The following SGO1 variants were observed in gnomAD, a reference collection of about 807,000 sequenced individuals.
SGO1 encodes the protein shugoshin 1.
A neutral mutation model predicts 50.5 loss-of-function variants in SGO1; 39 were observed. The ratio of observed to expected loss-of-function variants is 0.77; its 90% CI spans 0.60 to 1.01. SGO1 has a LOEUF of 1.01. SGO1 is among the 50% of genes least tolerant of loss of function. The pLI is 0.00. For synonymous variants in SGO1, 191 were observed against 205.1 expected (o/e 0.93, Z 0.59); for missense variants, 638 against 606.0 (o/e 1.05, Z -0.55).
Position 20,170,745 on chromosome 3 carries a change from C to G in SGO1, c.1543G>C (p.Asp515His). 1 of 1,592,368 alleles carries G rather than the reference C, an allele frequency of 6.3e-7. No homozygotes were observed. Among genetic ancestry groups the G allele is most frequent in the Non-Finnish European group, 8.5e-7 (1 of 1,175,046 alleles). The change falls in exon 8 of 8, where the codon GAT (aspartate) becomes CAT (histidine). Residue 515 changes from aspartate to histidine, a missense_variant. Asp to His is a moderately conservative substitution (Grantham distance 81). Coordinates refer to ENST00000412997, the MANE Select transcript of SGO1 (RefSeq NM_001199251.3). ...LNSPIFKQKK[D>H]LRRSKKSMKQ... ...ATACTTTTTTTAGAACGTCTCAAAT[C>G]CTTTTTCTGCTTGAAAATAGGAGAA... is the stretch of plus-strand genomic sequence containing the variant.
chr3:20,165,998 A>G (rs943520745), downstream of SGO1, among the ~76,000 whole-genome samples: 2 of 152,196 alleles, frequency 1.3e-5, no homozygotes, highest in African/African-American at 4.8e-5. Flanking sequence ...GGTTGCAGTG[A>G]GCCAAGATTG....
At position 20,174,543 on chromosome 3, in the gene SGO1, T is replaced by C. The variant is rs1701145345; in HGVS notation, c.988A>G (p.Ser330Gly). The part of the protein sequence containing the change: ...VPQKKMHKSV[S>G]SNDAYNFNLE... ...TTAAAATTGTAAGCATCATTGGAAC[T>C]GACAGATTTGTGCATTTTTTTTTGG... Residue 330 changes from serine (S) to glycine (G), a missense_variant, in exon 6 of 8, where the codon AGT (serine) becomes GGT (glycine). By Grantham distance (56) the Ser-to-Gly change is moderately conservative (BLOSUM62 0). Transcript: ENST00000412997. 2 of 1,611,802 alleles carry C rather than the reference T, an allele frequency of 1.2e-6. No homozygotes were observed. The highest frequency in any genetic ancestry group is 1.1e-5 in the South Asian group (1 of 90,000).
intron 6 of SGO1, 90 bp from the exon 7 acceptor site, chr3:20,171,322 C>A (rs190572281): frequency 1.9e-6 from 2 of 1,051,128 alleles, no homozygotes; most frequent in East Asian, 2.9e-5. Context: ...CTTAACTGTA[C>A]ACAAAATCCA....
chr3:20,183,065 CT>C (rs1288200140), intron 3 of SGO1, among the ~76,000 whole-genome samples: 1 of 152,064 alleles, frequency 6.6e-6, no homozygotes, highest in Non-Finnish European at 1.5e-5. Context: ...TCTTACTTGT[CT>C]GGGAGTTAAT....
chr3:20,169,780 T>A lies in SGO1; in HGVS notation c.*924A>T. 1 of 959,526 alleles carries A rather than the reference T, an allele frequency of 1.0e-6. No individual in the cohort carries two copies. Among genetic ancestry groups the A allele is most frequent in the Non-Finnish European group, 1.2e-6 (1 of 806,340 alleles). The allele number at this position is 959,526 out of a possible 1,614,324, so 59.4% of individuals were successfully genotyped here. ...TAGTCACTTATCTTGTCCCTGAGCC[T>A]AAAAAAGAATCAATTTCTCTAGTCA... On this transcript the variant is annotated 3_prime_UTR_variant, in exon 8 of 8. Coordinates refer to ENST00000412997, the MANE Select transcript of SGO1 (RefSeq NM_001199251.3).
At chr3:20,168,892 C>G, downstream of SGO1, 1 of 976,488 alleles carries the variant, frequency 1.0e-6, no homozygotes, top group Non-Finnish European at 1.2e-6. Flanking sequence ...CTTGGCCTCC[C>G]AAAGTGCTGG....
At chr3:20,165,179 GT>G (rs1446688644), downstream of SGO1, among the ~76,000 whole-genome samples, 1 of 152,224 alleles carries the variant, frequency 6.6e-6, no homozygotes, top group East Asian at 1.9e-4. Context: ...GAGCTGGCAT[GT>G]GCAGAGATCA....
chr3:20,171,262 TA>T (rs369158870), intron 6 of SGO1, 30 bp from the exon 7 acceptor site: 91,480 of 1,201,630 alleles, frequency 0.076, 2,037 homozygotes, highest in East Asian at 0.091. Flanking sequence ...GAATATGATT[TA>T]AAAAAAAAAA....
In SGO1 at chr3:20,174,468, C is replaced by A; in HGVS notation, c.1063G>T (p.Asp355Tyr). The A allele has an allele frequency of 6.2e-7, 1 of 1,614,160 alleles. No individual in the cohort carries two copies. Among genetic ancestry groups the A allele is most frequent in the Non-Finnish European group, 8.5e-7 (1 of 1,180,012 alleles). The change falls in exon 6 of 8, where the codon GAC becomes TAC. Residue 355 changes from aspartate (D) to tyrosine (Y), a missense_variant. By Grantham distance (160) the Asp-to-Tyr change is radical. Transcript: ENST00000412997. ...TCGTTGTTTTCTTCTCTATTAGAGT[C>A]ATTGCTCACTTTTTGTCGGAAAGGA... Reference protein sequence around the residue: ...LTPFRQKVSNDSNREENNESE... With the variant: ...LTPFRQKVSNYSNREENNESE...
Position 20,174,545 on chromosome 3 carries a change from A to T in SGO1, c.986T>A (p.Val329Asp). The change falls in exon 6 of 8, where the codon GTC becomes GAC. Residue 329 changes from valine (V) to aspartate (D), a missense_variant. Val to Asp is a radical substitution (Grantham distance 152, BLOSUM62 -3). Transcript: ENST00000412997. ...TVPQKKMHKSVSSNDAYNFNL... is the reference protein window; with the variant it reads ...TVPQKKMHKSDSSNDAYNFNL... ...AAAATTGTAAGCATCATTGGAACTG[A>T]CAGATTTGTGCATTTTTTTTTGGGG... is the stretch of plus-strand genomic sequence containing the variant. 6.2e-7 allele frequency: 1 copy of T among 1,611,836 alleles called. No homozygotes were observed.
rs530564732 is a variant in SGO1, at chr3:20,169,698, T to G, written c.*1006A>C. On this transcript the variant is annotated 3_prime_UTR_variant, in exon 8 of 8. Coordinates refer to ENST00000412997, the MANE Select transcript of SGO1 (RefSeq NM_001199251.3). ...GAGCTACCCTGAAAGTACATGACAT[T>G]TGTAATTTTATGGAGACATCACTCT... 6.6e-6 allele frequency: 6 copies of G among 915,344 alleles called. No homozygotes were observed. In the East Asian group the frequency reaches 4.7e-4, roughly 72 times the overall value. The allele number at this position is 915,344 out of a possible 1,614,324, so 56.7% of individuals were successfully genotyped here.
chr3:20,183,621 A>G lies in SGO1; in HGVS notation c.326T>C (p.Val109Ala). Residue 109 changes from valine to alanine, a missense_variant, in exon 3 of 8, where the codon GTA becomes GCA. Val to Ala is a moderately conservative substitution (Grantham distance 64). Coordinates refer to ENST00000412997, the MANE Select transcript of SGO1 (RefSeq NM_001199251.3). ...TAATGAAAATACCTGAGCAGGTTCT[A>G]CTGTTTGTTGTGATGTAAGTTTTCC... ...LKGKLTSQQTVEPAQNQEICS... is the reference protein window; with the variant it reads ...LKGKLTSQQTAEPAQNQEICS... The G allele has an allele frequency of 1.3e-6, 2 of 1,589,894 alleles. No individual in the cohort carries two copies. Among genetic ancestry groups the G allele is most frequent in the South Asian group, 1.2e-5 (1 of 85,970 alleles).
chr3:20,165,826 C>T (rs775882435), downstream of SGO1, among the ~76,000 whole-genome samples: 1 of 152,038 alleles, frequency 6.6e-6, no homozygotes, highest in South Asian at 2.1e-4. Context: ...CCAAGGCAGG[C>T]GAATCACTTG....
chr3:20,178,890 GGGAA>G (rs1701695492), intron 3 of SGO1, among the ~76,000 whole-genome samples: 1 of 152,150 alleles, frequency 6.6e-6, no homozygotes, highest in African/African-American at 2.4e-5. Context: ...TAAGTATGAT[GGGAA>G]GGTACTTAAT....
intron 6 of SGO1, among the ~76,000 whole-genome samples, chr3:20,172,492 ACT>A (rs1489596574): frequency 8.4e-6 from 1 of 119,462 alleles, no homozygotes; most frequent in African/African-American, 3.7e-5. Flanking sequence ...CAAGAGTGAA[ACT>A]CTGTTTCAAA....
At position 20,169,891 on chromosome 3, in the gene SGO1, A is replaced by G; in HGVS notation, c.*813T>C. On this transcript the variant is annotated 3_prime_UTR_variant, in exon 8 of 8. Coordinates refer to ENST00000412997, the MANE Select transcript of SGO1 (RefSeq NM_001199251.3). Reference sequence around the variant, plus strand: ...ACAACTTAGGGTGTACCCTACTGTAAATGTCAAATATTTATTTTACTCGAA... The same window carrying G: ...ACAACTTAGGGTGTACCCTACTGTAGATGTCAAATATTTATTTTACTCGAA... 2.0e-6 allele frequency: 2 copies of G among 982,920 alleles called. No individual in the cohort carries two copies. The highest frequency in any genetic ancestry group is 2.4e-6 in the Non-Finnish European group (2 of 827,640). 60.9% of individuals were successfully genotyped at this position (982,920 alleles called of 1,614,324 possible). A position where few individuals can be genotyped will look rare whatever the true frequency, so the allele number is the denominator to read the frequency against.
chr3:20,161,412 CTAAAAA>C (rs1349984533), intron 8 of SGO1, among the ~76,000 whole-genome samples: 1 of 151,876 alleles, frequency 6.6e-6, no homozygotes, highest in Non-Finnish European at 1.5e-5. Flanking sequence ...CTTATAATTG[CTAAAAA>C]TAGAGAAAAC....
rs1575192098 is a variant in SGO1 at position 20,170,513 on chromosome 3, T to A, written c.*191A>T. On this transcript the variant is annotated 3_prime_UTR_variant, in exon 8 of 8. Coordinates refer to ENST00000412997, the MANE Select transcript of SGO1 (RefSeq NM_001199251.3). ...TTTATATTCAAAAGAAAAAATAAAT[T>A]AAATTTATTAAAGTTTTAATACAAA... is the stretch of plus-strand genomic sequence containing the variant. 8.5e-7 allele frequency: 1 copy of A among 1,173,578 alleles called. No individual in the cohort carries two copies. The highest frequency in any genetic ancestry group is 3.5e-4 in the Middle Eastern group (1 of 2,876). The allele number at this position is 1,173,578 out of a possible 1,614,324, so 72.7% of individuals were successfully genotyped here.
In SGO1 at chr3:20,169,487, C is replaced by A; in HGVS notation, c.*1217G>T. ...AGAATAGAAGGAAAGCAATCACTAT[C>A]TTATACAAACTTTATTGCTCTTTAA... is the stretch of plus-strand genomic sequence containing the variant. On this transcript the variant is annotated 3_prime_UTR_variant, in exon 8 of 8. Coordinates refer to ENST00000412997, the MANE Select transcript of SGO1 (RefSeq NM_001199251.3). 1 of 979,332 alleles carries A rather than the reference C, an allele frequency of 1.0e-6. No individual in the cohort carries two copies. Among genetic ancestry groups the A allele is most frequent in the Non-Finnish European group, 1.2e-6 (1 of 824,394 alleles). The allele number at this position is 979,332 out of a possible 1,614,324, so 60.7% of individuals were successfully genotyped here.
Sources: gnomAD v4.1 joint callset for allele counts (sites outside exome capture counted in the v4.1 genomes callset) on GRCh38, gnomAD v4.1.1 for gene constraint, MANE v1.5 for transcripts, NCBI Gene and HGNC (gene_info 2026-07-23, HGNC 2026-07-21) for gene names.